The following DYNC2H1 variants were observed in gnomAD, a reference collection of about 807,000 sequenced individuals.
DYNC2H1 encodes the protein cytoplasmic dynein 2 heavy chain 1.
DYNC2H1 carries 410 observed loss-of-function variants against 570.0 expected under a neutral mutation model. The ratio of observed to expected loss-of-function variants is 0.72; its 90% confidence interval spans 0.66 to 0.78. The LOEUF (loss-of-function observed/expected upper bound fraction) is 0.78, where lower values mean the gene tolerates loss of function less well. DYNC2H1 is among the 30% of genes least tolerant of loss of function. The probability of loss-of-function intolerance (pLI) is 0.00; values close to 1 mark genes in which losing one functional copy is unlikely to be tolerated. For missense variants in DYNC2H1, 4,865 were observed against 5,046.4 expected (o/e 0.96, Z 1.09); for synonymous variants, 1,688 against 1,677.6 (o/e 1.01, Z -0.15).
rs1862874037 is a variant in DYNC2H1, at chr11:103,205,079, A to G, written c.8454+115A>G. On this transcript the variant is annotated intron_variant, in intron 52 of 88. Coordinates refer to ENST00000375735, the MANE Select transcript of DYNC2H1 (RefSeq NM_001377.3). The surrounding 1 kb of genome is among the most constrained non-coding windows in gnomAD (Gnocchi z 4.5). ...CATCACCTTAATTATGGCACCAAACATCTCTTATGTTTGGAAATGTCTGTT... is the reference window on the plus strand; with the variant it reads ...CATCACCTTAATTATGGCACCAAACGTCTCTTATGTTTGGAAATGTCTGTT... The G allele has an allele frequency of 2.2e-6, 2 of 905,540 alleles. No individual in the cohort carries two copies. Among genetic ancestry groups the G allele is most frequent in the Non-Finnish European group, 1.6e-6 (1 of 624,166 alleles). The allele number at this position is 905,540 out of a possible 1,614,324, so 56.1% of individuals were successfully genotyped here.
chr11:103,248,090 ATCTT>A (rs1237379547), intron 65 of DYNC2H1, among the ~76,000 whole-genome samples: 4 of 151,978 alleles, frequency 2.6e-5, no homozygotes, highest in Non-Finnish European at 5.9e-5. Context: ...GATGTTGGTT[ATCTT>A]TCTTTCTTTG....
intron 84 of DYNC2H1, among the ~76,000 whole-genome samples, chr11:103,411,392 G>A (rs1328286858): frequency 6.6e-6 from 1 of 151,922 alleles, no homozygotes; most frequent in Non-Finnish European, 1.5e-5. Context: ...GCTTTGTTTA[G>A]TAGGGTTTTC....
chr11:103,435,530 C>T (rs1477342782), intron 84 of DYNC2H1, among the ~76,000 whole-genome samples: 7 of 151,840 alleles, frequency 4.6e-5, no homozygotes, highest in Non-Finnish European at 1.0e-4. Flanking sequence ...CATATGTCTC[C>T]ATGTGGTTGG....
chr11:103,366,735 A>C (rs1428581232), intron 83 of DYNC2H1, among the ~76,000 whole-genome samples: 1 of 152,146 alleles, frequency 6.6e-6, no homozygotes, highest in African/African-American at 2.4e-5. Flanking sequence ...TGACTAGATT[A>C]GTTAATACTT....
chr11:103,407,208 TTAAA>T (rs1475061867), intron 84 of DYNC2H1: 1 of 151,828 alleles, frequency 6.6e-6, no homozygotes, highest in African/African-American at 2.4e-5. Context: ...GTGAAAATAG[TTAAA>T]TAAATAATAA....
intron 59 of DYNC2H1, among the ~76,000 whole-genome samples, chr11:103,227,268 C>T (rs117913586): frequency 2.0e-5 from 3 of 151,334 alleles, no homozygotes; most frequent in Non-Finnish European, 4.4e-5. Flanking sequence ...TGAGGTGTGA[C>T]CTTAGATTGT....
At chr11:103,300,841 C>T (rs1484127868) in intron 75 of DYNC2H1, among the ~76,000 whole-genome samples, 3 of 151,696 alleles carry the variant, frequency 2.0e-5, no homozygotes, top group African/African-American at 7.3e-5. Context: ...TGCATTTTAG[C>T]TTTTTTAGAC....
chr11:103,234,001 T>C lies in DYNC2H1; in HGVS notation c.9441-33T>C, dbSNP rs1416392841. ...TTCATTAAATCTCTCCCAAATCCTTTTTGCTTTTAATTAAATTTTAATGTT... is the reference window on the plus strand; with the variant it reads ...TTCATTAAATCTCTCCCAAATCCTTCTTGCTTTTAATTAAATTTTAATGTT... On this transcript the variant is annotated intron_variant, in intron 60 of 88. Transcript: ENST00000375735. 3 of 1,539,846 alleles carry C rather than the reference T, an allele frequency of 1.9e-6. No individual in the cohort carries two copies. In the Admixed American group the frequency reaches 6.1e-5, roughly 31 times the overall value.
chr11:103,226,595 C>G (rs1226677258), intron 59 of DYNC2H1, among the ~76,000 whole-genome samples: 1 of 152,058 alleles, frequency 6.6e-6, no homozygotes, highest in Non-Finnish European at 1.5e-5. Flanking sequence ...TTTTGATATG[C>G]TATTGGATTT....
At chr11:103,367,086 G>T (rs1052775067) in intron 83 of DYNC2H1, among the ~76,000 whole-genome samples, 2 of 152,010 alleles carry the variant, frequency 1.3e-5, no homozygotes, top group Non-Finnish European at 2.9e-5. Context: ...TAATGAAATT[G>T]TTCTAAATGA....
chr11:103,429,540 A>T (rs1257318131), intron 84 of DYNC2H1, among the ~76,000 whole-genome samples: 1 of 152,124 alleles, frequency 6.6e-6, no homozygotes, highest in Non-Finnish European at 1.5e-5. Flanking sequence ...ATTAAACTAC[A>T]ATCTGCTCTA....
chr11:103,287,816 T>C (rs1866409112), intron 75 of DYNC2H1: 2 of 480,672 alleles, frequency 4.2e-6, no homozygotes, highest in Non-Finnish European at 7.3e-6. Flanking sequence ...AGGTTCAACT[T>C]GCCTGCTGCC....
In DYNC2H1 at chr11:103,133,820, A is replaced by C; in HGVS notation, c.2106+113A>C. ...ATAATTTGAGACTTAAAGTTACAAA[A>C]ATAGTACAGAGAAATCACAATTCCC... On this transcript the variant is annotated intron_variant, in intron 14 of 88. Coordinates refer to ENST00000375735, the MANE Select transcript of DYNC2H1 (RefSeq NM_001377.3). The surrounding 1 kb of genome is among the most constrained non-coding windows in gnomAD (Gnocchi z 4.8). 1 of 1,137,092 alleles carries C rather than the reference A, an allele frequency of 8.8e-7. No individual in the cohort carries two copies. 70.4% of individuals were successfully genotyped at this position (1,137,092 alleles called of 1,614,324 possible).
rs1427412096 is a variant in DYNC2H1, at chr11:103,152,266, A to G, written c.3077A>G (p.Gln1026Arg). Residue 1026 changes from glutamine (Q) to arginine (R), a missense_variant, in exon 21 of 89, where the codon CAA becomes CGA. Gln to Arg is a conservative substitution (Grantham distance 43). Around this residue, in one of 5 missense-constraint regions of DYNC2H1, gnomAD observed 1,936 missense variants for 1,962.1 expected, o/e 0.99. Coordinates refer to ENST00000375735, the MANE Select transcript of DYNC2H1 (RefSeq NM_001377.3). ...DKFELMMESH[Q>R]LMIKDQIEVM... ...TTTGAGTTAATGATGGAAAGTCACC[A>G]ACTTATGATTAAAGACCAGGTTAGA... 5 of 1,603,386 alleles carry G rather than the reference A, an allele frequency of 3.1e-6. No homozygotes were observed. The South Asian group carries it at 3.4e-5, about 11-fold the overall frequency.
intron 81 of DYNC2H1, among the ~76,000 whole-genome samples, chr11:103,322,499 C>A (rs1477933218): frequency 6.6e-6 from 1 of 152,120 alleles, no homozygotes; most frequent in Admixed American, 6.6e-5. Context: ...ACAAAGGGTA[C>A]ATTATACTTA....
chr11:103,150,598 TTAGAG>T (rs1678608635), intron 20 of DYNC2H1, among the ~76,000 whole-genome samples: 3 of 152,152 alleles, frequency 2.0e-5, no homozygotes, highest in Admixed American at 1.3e-4. Context: ...GATGTGGAAT[TTAGAG>T]TAAAGGTAAG....
intron 11 of DYNC2H1, among the ~76,000 whole-genome samples, chr11:103,124,461 A>G (rs1440876147): frequency 6.6e-6 from 1 of 151,438 alleles, no homozygotes; most frequent in Admixed American, 6.6e-5. Context: ...AAAAAAAAAA[A>G]AAAAAAAGCA....
chr11:103,407,291 T>G (rs916720960), intron 84 of DYNC2H1: 1 of 151,920 alleles, frequency 6.6e-6, no homozygotes, highest in African/African-American at 2.4e-5. Context: ...GCCTGATAGC[T>G]TATTTATCTG....
At chr11:103,161,849 G>C (rs752832867) in intron 29 of DYNC2H1, among the ~76,000 whole-genome samples, 10 of 152,198 alleles carry the variant, frequency 6.6e-5, no homozygotes, top group Non-Finnish European at 5.9e-5. Context: ...ACTAGCAATA[G>C]ATTGCATCAC....
Sources: gnomAD v4.1 joint callset for allele counts (sites outside exome capture counted in the v4.1 genomes callset) on GRCh38, gnomAD v4.1.1 for gene constraint, gnomAD v4.1.1 regional missense constraint, Gnocchi (gnomAD v3.1) non-coding constraint, MANE v1.5 for transcripts, NCBI Gene and HGNC (gene_info 2026-07-23, HGNC 2026-07-21) for gene names.